The following NEMP2 variants were observed in gnomAD, a reference collection of about 807,000 sequenced individuals.
The protein encoded by NEMP2 is UPF0571 transmembrane protein.
Under a neutral mutation model 54.2 loss-of-function variants are expected in NEMP2, and 53 were observed. The observed-to-expected ratio is 0.98, with a 90% CI of 0.78 to 1.23. The LOEUF is 1.23. Among genes scored for constraint, NEMP2 ranks in the 50% most tolerant of loss-of-function variants. The pLI is 0.00. For synonymous variants in NEMP2, 197 were observed against 190.3 expected, an observed-to-expected ratio of 1.04 and a Z score of -0.29; for missense variants, 455 against 511.3, an observed-to-expected ratio of 0.89 and a Z score of 1.06.
chr2:190,482,157 G>C, the NEMP2 span, among the ~76,000 whole-genome samples: 612 of 152,310 alleles, frequency 4.0e-3, 4 homozygotes, highest in African/African-American at 0.014. Context: ...GGGTAACCAG[G>C]CATTGCAGAT....
chr2:190,599,252 AC>A, the NEMP2 span, among the ~76,000 whole-genome samples: 1 of 152,228 alleles, frequency 6.6e-6, no homozygotes, highest in Non-Finnish European at 1.5e-5. Flanking sequence ...ACAAAACTAC[AC>A]ATCTAGCTTA....
chr2:190,490,275 A>C, the NEMP2 span, among the ~76,000 whole-genome samples: 54 of 152,144 alleles, frequency 3.5e-4, no homozygotes, highest in Non-Finnish European at 6.6e-4. The surrounding 1 kb of genome is among the most constrained non-coding windows in gnomAD (Gnocchi z 4.5). Flanking sequence ...AAAAAAAAAA[A>C]AACAATGGCC....
chr2:190,489,716 C>G, the NEMP2 span: 4 of 1,506,954 alleles, frequency 2.7e-6, no homozygotes, highest in Non-Finnish European at 3.7e-6. The surrounding 1 kb of genome is among the most constrained non-coding windows in gnomAD (Gnocchi z 6.6). Flanking sequence ...TTTAGATGAG[C>G]GCTATCTGCA....
At chr2:190,638,124 A>C in the NEMP2 span, among the ~76,000 whole-genome samples, 3 of 152,180 alleles carry the variant, frequency 2.0e-5, no homozygotes, top group Non-Finnish European at 4.4e-5. The surrounding 1 kb of genome is among the most constrained non-coding windows in gnomAD (Gnocchi z 5.7). Flanking sequence ...AGCAAGGAGT[A>C]ATCAGAGTGC....
the NEMP2 span, among the ~76,000 whole-genome samples, chr2:190,489,095 T>C: frequency 1.3e-5 from 2 of 152,208 alleles, no homozygotes; most frequent in Admixed American, 6.5e-5. The surrounding 1 kb of genome is among the most constrained non-coding windows in gnomAD (Gnocchi z 6.6). Context: ...ACAAATGAAT[T>C]AGCATGAGTG....
At chr2:190,588,333 A>G in the NEMP2 span, among the ~76,000 whole-genome samples, 1 of 152,162 alleles carries the variant, frequency 6.6e-6, no homozygotes, top group African/African-American at 2.4e-5. This position sits in a 1 kb window ranked among gnomAD's most constrained non-coding sequence, Gnocchi z 5.0. Flanking sequence ...TGAGAAAATA[A>G]TCTCTCAATC....
chr2:190,515,500 T>C lies in NEMP2; in HGVS notation c.727+770A>G, dbSNP rs552740299. 5.9e-5 allele frequency among the ~76,000 whole-genome samples: 9 copies of C among 152,342 alleles called. No individual in the cohort carries two copies. The East Asian group carries it at 1.7e-3, about 29-fold the overall frequency. On this transcript the variant is annotated intron_variant, in intron 6 of 8. Transcript: ENST00000409150. The stretch of plus-strand genomic sequence containing the variant: ...ATGGCCTGGGTAATAGATGATTTTA[T>C]GTAATTATTTTTCAGATAATAATTA...
the NEMP2 span, among the ~76,000 whole-genome samples, chr2:190,474,714 T>A: frequency 6.6e-6 from 1 of 152,228 alleles, no homozygotes; most frequent in Non-Finnish European, 1.5e-5. Context: ...TAACTCATTT[T>A]ATGAGGCCAG....
At chr2:190,636,717 T>A in the NEMP2 span, among the ~76,000 whole-genome samples, 1 of 152,232 alleles carries the variant, frequency 6.6e-6, no homozygotes, top group African/African-American at 2.4e-5. Context: ...AAAATTTTCA[T>A]ATTTAAGAAA....
At chr2:190,565,637 G>A in the NEMP2 span, among the ~76,000 whole-genome samples, 350 of 152,246 alleles carry the variant, frequency 2.3e-3, 2 homozygotes, top group South Asian at 0.014. Flanking sequence ...GCTTTTCAGA[G>A]TTGTCCCACA....
chr2:190,505,886 G>T lies in NEMP2; in HGVS notation c.*3303C>A, dbSNP rs1283403251. 1 of 152,184 alleles carries T rather than the reference G, an allele frequency of 6.6e-6. No homozygotes were observed. Among genetic ancestry groups the T allele is most frequent in the East Asian group, 1.9e-4 (1 of 5,190 alleles). The allele number at this position is 152,184 out of a possible 1,614,324, so 9.4% of individuals were successfully genotyped here. A position where few individuals can be genotyped will look rare whatever the true frequency, so the allele number is the denominator to read the frequency against. Reference sequence around the variant, plus strand: ...AACAAGGCTAGCCCCACTGGGGTGGGGGGTGGCATCTGCATCAAACTCTTT... The same window carrying T: ...AACAAGGCTAGCCCCACTGGGGTGGTGGGTGGCATCTGCATCAAACTCTTT... On this transcript the variant is annotated 3_prime_UTR_variant, in exon 9 of 9. Coordinates refer to ENST00000409150, the MANE Select transcript of NEMP2 (RefSeq NM_001142645.2). This position sits in a 1 kb window ranked among gnomAD's most constrained non-coding sequence, Gnocchi z 5.8.
the NEMP2 span, among the ~76,000 whole-genome samples, chr2:190,478,197 A>G: frequency 3.3e-5 from 5 of 152,102 alleles, no homozygotes; most frequent in Non-Finnish European, 7.4e-5. Context: ...GTTTCATTTT[A>G]TTCTCCCTTA....
At chr2:190,429,086 A>G in the NEMP2 span, among the ~76,000 whole-genome samples, 68,988 of 151,944 alleles carry the variant, frequency 0.45, 16,089 homozygotes, top group Admixed American at 0.61. Flanking sequence ...TTTATTGGCC[A>G]TTTGTATAGG....
chr2:190,448,511 A>C, the NEMP2 span, among the ~76,000 whole-genome samples: 1 of 152,246 alleles, frequency 6.6e-6, no homozygotes, highest in Non-Finnish European at 1.5e-5. Flanking sequence ...CAATATGCCA[A>C]CATGGAAAGC....
At chr2:190,600,511 C>G in the NEMP2 span, among the ~76,000 whole-genome samples, 2,009 of 152,266 alleles carry the variant, frequency 0.013, 46 homozygotes, top group African/African-American at 0.045. This position sits in a 1 kb window ranked among gnomAD's most constrained non-coding sequence, Gnocchi z 4.9. Context: ...GGTGTGGATT[C>G]TTTATGCAGG....
chr2:190,482,924 G>A, the NEMP2 span, among the ~76,000 whole-genome samples: 5 of 103,842 alleles, frequency 4.8e-5, no homozygotes, highest in South Asian at 3.4e-4. Flanking sequence ...TCACTCTGTC[G>A]CCCAGGCCGG....
At chr2:190,540,751 G>A in the NEMP2 span, among the ~76,000 whole-genome samples, 1 of 152,198 alleles carries the variant, frequency 6.6e-6, no homozygotes, top group Non-Finnish European at 1.5e-5. Context: ...CTCTTAGAAT[G>A]AGTTTAGATG....
At chr2:190,456,677 C>T in the NEMP2 span, among the ~76,000 whole-genome samples, 1 of 152,216 alleles carries the variant, frequency 6.6e-6, no homozygotes, top group Admixed American at 6.5e-5. This position sits in a 1 kb window ranked among gnomAD's most constrained non-coding sequence, Gnocchi z 5.4. Flanking sequence ...ACAAGGCAAG[C>T]ATCCACTTCT....
chr2:190,533,973 G>A lies in NEMP2; in HGVS notation c.97+586C>T. 6.1e-6 allele frequency: 6 copies of A among 985,266 alleles called. No individual in the cohort carries two copies. The highest frequency in any genetic ancestry group is 7.2e-6 in the Non-Finnish European group (6 of 829,912). The allele number at this position is 985,266 out of a possible 1,614,324, so 61.0% of individuals were successfully genotyped here. On this transcript the variant is annotated intron_variant, in intron 1 of 8. Transcript: ENST00000409150. The surrounding 1 kb of genome is among the most constrained non-coding windows in gnomAD (Gnocchi z 4.3). ...TTGCTTCCTGTGTGCCAGGCATTGTGCACACGAACACCACAAGAACCTTGT... is the reference window on the plus strand; with the variant it reads ...TTGCTTCCTGTGTGCCAGGCATTGTACACACGAACACCACAAGAACCTTGT...
Sources: gnomAD v4.1 joint callset for allele counts (sites outside exome capture counted in the v4.1 genomes callset) on GRCh38, gnomAD v4.1.1 for gene constraint, Gnocchi (gnomAD v3.1) non-coding constraint, MANE v1.5 for transcripts, NCBI Gene and HGNC (gene_info 2026-07-23, HGNC 2026-07-21) for gene names.